EFCAB6: variants seen among roughly 807,000 people sequenced by gnomAD.
EFCAB6 encodes EF-hand calcium-binding domain-containing protein 6.
A neutral mutation model predicts 169.8 loss-of-function variants in EFCAB6; 156 were observed. The observed-to-expected ratio is 0.92, with a 90% CI of 0.81 to 1.05. EFCAB6 has a LOEUF of 1.05. EFCAB6 is among the 50% of genes least tolerant of loss of function. The pLI is 0.00. For synonymous variants in EFCAB6, 698 were observed against 676.4 expected, an observed-to-expected ratio of 1.03 and a Z score of -0.50; for missense variants, 1,800 against 1,829.1, an observed-to-expected ratio of 0.98 and a Z score of 0.29.
At chr22:43,615,237 G>C (rs1184040828) in intron 21 of EFCAB6, among the ~76,000 whole-genome samples, 1 of 152,176 alleles carries the variant, frequency 6.6e-6, no homozygotes, top group African/African-American at 2.4e-5. Flanking sequence ...CTAGATTTCA[G>C]GACAAACTCG....
At chr22:43,723,885 A>G (rs941846306) in intron 8 of EFCAB6, among the ~76,000 whole-genome samples, 1 of 151,976 alleles carries the variant, frequency 6.6e-6, no homozygotes, top group African/African-American at 2.4e-5. Flanking sequence ...AAGCCCATCG[A>G]GCAGGCTTTT....
chr22:43,744,609 C>T lies in EFCAB6; in HGVS notation c.508-8616G>A, dbSNP rs2060497913. ...AAGCAGCCAAAGGAAGTGAGCTGGA[C>T]CACCAGGAGTGGGAGCTGAGGGGGT... On this transcript the variant is annotated intron_variant, in intron 6 of 31. Transcript: ENST00000262726. This position sits in a 1 kb window ranked among gnomAD's most constrained non-coding sequence, Gnocchi z 4.3. 6.6e-6 allele frequency among the ~76,000 whole-genome samples: 1 copy of T among 152,066 alleles called. No individual in the cohort carries two copies. Among genetic ancestry groups the T allele is most frequent in the Non-Finnish European group, 1.5e-5 (1 of 68,012 alleles).
intron 16 of EFCAB6, 89 bp from the exon 17 acceptor site, chr22:43,667,361 T>A: frequency 6.7e-7 from 1 of 1,484,184 alleles, no homozygotes; most frequent in Non-Finnish European, 9.1e-7. Context: ...ATGTAACCCA[T>A]GACAGTAAGA....
At chr22:43,808,768 G>A (rs1367708041) in intron 2 of EFCAB6, among the ~76,000 whole-genome samples, 1 of 152,206 alleles carries the variant, frequency 6.6e-6, no homozygotes, top group Non-Finnish European at 1.5e-5. Flanking sequence ...AAACCCAGCA[G>A]GAAGAACTGG....
chr22:43,684,117 C>T lies in EFCAB6; in HGVS notation c.1143-262G>A, dbSNP rs1323665001. Among the ~76,000 whole-genome samples the T allele has an allele frequency of 2.6e-5, 4 of 152,104 alleles. No homozygotes were observed. In the South Asian group the frequency reaches 6.2e-4, roughly 24 times the overall value. Reference sequence around the variant, plus strand: ...CCAACTCATCGGCCATCTTGCACACCTGTGGTTTTGGTCTCAAACAAGACC... The same window carrying T: ...CCAACTCATCGGCCATCTTGCACACTTGTGGTTTTGGTCTCAAACAAGACC... On this transcript the variant is annotated intron_variant, in intron 11 of 31. Transcript: ENST00000262726.
At chr22:43,556,800 G>A (rs755237987) in intron 26 of EFCAB6, among the ~76,000 whole-genome samples, 21 of 152,166 alleles carry the variant, frequency 1.4e-4, no homozygotes, top group Non-Finnish European at 2.6e-4. Context: ...AAAGGCTAAC[G>A]GAGCTTCTAT....
intron 8 of EFCAB6, among the ~76,000 whole-genome samples, chr22:43,727,350 C>G (rs1191509698): frequency 6.6e-6 from 1 of 152,178 alleles, no homozygotes; most frequent in Non-Finnish European, 1.5e-5. Context: ...GTTACTTGAG[C>G]CCAGGGGTTT....
At chr22:43,764,323 AT>A (rs757725590) in intron 5 of EFCAB6, among the ~76,000 whole-genome samples, 7 of 152,212 alleles carry the variant, frequency 4.6e-5, no homozygotes, top group Admixed American at 6.5e-5. Context: ...CTGTTCCTGC[AT>A]TAATTTGCTT....
chr22:43,647,507 C>T lies in EFCAB6; in HGVS notation c.1984-12291G>A, dbSNP rs149675707. 3.3e-3 allele frequency among the ~76,000 whole-genome samples: 497 copies of T among 152,274 alleles called. 1 individual carries two copies. The highest frequency in any genetic ancestry group is 0.011 in the African/African-American group (477 of 41,562). The stretch of plus-strand genomic sequence containing the variant: ...CAAGTCCCAGCCCTCAGGTGCCAGG[C>T]CCTATTTTAAGGGTTATACATTGTT... On this transcript the variant is annotated intron_variant, in intron 17 of 31. Coordinates refer to ENST00000262726, the MANE Select transcript of EFCAB6 (RefSeq NM_022785.4).
rs902493699 is a variant in EFCAB6 at position 43,554,935 on chromosome 22, G to A, written c.3582C>T (p.Asn1194=). 5 of 1,614,056 alleles carry A rather than the reference G, an allele frequency of 3.1e-6. No individual in the cohort carries two copies. The Admixed American group carries it at 5.0e-5, about 16-fold the overall frequency. ...CCCTAAACTCCTCTCTGGAGATGGT[G>A]TTCGTTTTCATGGTGTCAAAATTCT... ...EFENFDTMKT[N]TISREEFRAI... Residue 1194 remains asparagine, a synonymous_variant, in exon 27 of 32, where the codon AAC becomes AAT. Coordinates refer to ENST00000262726, the MANE Select transcript of EFCAB6 (RefSeq NM_022785.4).
intron 10 of EFCAB6, among the ~76,000 whole-genome samples, chr22:43,690,661 C>T (rs1324336895): frequency 1.3e-5 from 2 of 152,034 alleles, no homozygotes; most frequent in Non-Finnish European, 2.9e-5. Flanking sequence ...ACCTCCCTAG[C>T]CTCACCCCAT....
intron 11 of EFCAB6, 96 bp from the exon 12 acceptor site, chr22:43,683,951 G>A: frequency 1.1e-6 from 1 of 894,288 alleles, no homozygotes; most frequent in Non-Finnish European, 1.8e-6. Context: ...CCACAATACA[G>A]TAGAGCTTTC....
At chr22:43,690,967 ATAT>A (rs551116612) in intron 10 of EFCAB6, among the ~76,000 whole-genome samples, 12 of 151,756 alleles carry the variant, frequency 7.9e-5, no homozygotes, top group African/African-American at 1.2e-4. Flanking sequence ...TATTATTTAA[ATAT>A]TATTATTATT....
At chr22:43,665,663 T>C (rs2057213889) in intron 17 of EFCAB6, among the ~76,000 whole-genome samples, 1 of 152,176 alleles carries the variant, frequency 6.6e-6, no homozygotes, top group Admixed American at 6.5e-5. Context: ...GAAATTCAGC[T>C]CCCATGGCTA....
intron 7 of EFCAB6, among the ~76,000 whole-genome samples, chr22:43,735,430 G>C (rs751961346): frequency 6.6e-6 from 1 of 152,056 alleles, no homozygotes; most frequent in African/African-American, 2.4e-5. Context: ...CAGAGCCAAC[G>C]GGGAGCACAG....
At chr22:43,538,353 C>A (rs1602122995) in intron 28 of EFCAB6, among the ~76,000 whole-genome samples, 1 of 152,042 alleles carries the variant, frequency 6.6e-6, no homozygotes, top group Non-Finnish European at 1.5e-5. Flanking sequence ...TCCTCACCGA[C>A]CCACACCCCC....
At chr22:43,600,662 T>G (rs888964186) in intron 22 of EFCAB6, among the ~76,000 whole-genome samples, 7 of 152,076 alleles carry the variant, frequency 4.6e-5, no homozygotes, top group African/African-American at 1.7e-4. Context: ...TTTTTTTGTT[T>G]TTTGTTTTGT....
intron 6 of EFCAB6, among the ~76,000 whole-genome samples, chr22:43,747,826 C>T (rs937400209): frequency 1.3e-5 from 2 of 152,174 alleles, no homozygotes; most frequent in Non-Finnish European, 2.9e-5. Flanking sequence ...ATAGGGGTGA[C>T]TTTCTCTTAC....
intron 1 of EFCAB6, 24 bp downstream of exon 1, chr22:43,812,144 T>C (rs1382986585): frequency 1.4e-5 from 2 of 144,528 alleles, no homozygotes; most frequent in Non-Finnish European, 3.0e-5. Context: ...CGCACGCGCG[T>C]GGCCACCCCG....
Sources: gnomAD v4.1 joint callset for allele counts (sites outside exome capture counted in the v4.1 genomes callset) on GRCh38, gnomAD v4.1.1 for gene constraint, Gnocchi (gnomAD v3.1) non-coding constraint, MANE v1.5 for transcripts, NCBI Gene and HGNC (gene_info 2026-07-23, HGNC 2026-07-21) for gene names.